ATRNL1: variants seen among roughly 807,000 people sequenced by gnomAD.
The protein encoded by ATRNL1 is attractin-like protein 1.
In ATRNL1, 95 loss-of-function variants were observed where a neutral mutation model predicts 182.7. The ratio of observed to expected loss-of-function variants is 0.52; its 90% CI spans 0.44 to 0.62. The LOEUF (loss-of-function observed/expected upper bound fraction) is 0.62. Ranked by LOEUF, ATRNL1 falls within the 20% of genes least tolerant of loss-of-function variation. The pLI, the probability that ATRNL1 is intolerant of heterozygous loss-of-function variation, is 0.00. For missense variants in ATRNL1, 1,471 were observed against 1,679.5 expected (o/e 0.88, Z 2.17); for synonymous variants, 576 against 568.3 (o/e 1.01, Z -0.19).
chr10:115,728,293 C>T (rs1184865787), intron 27 of ATRNL1, among the ~76,000 whole-genome samples: 20 of 73,052 alleles, frequency 2.7e-4, no homozygotes, highest in African/African-American at 9.8e-4. Flanking sequence ...AGTGGGACTC[C>T]GCCTCAAAAA....
chr10:115,759,841 A>ATTTTTTTTTTTTT (rs58578796), intron 27 of ATRNL1, among the ~76,000 whole-genome samples: 45 of 62,690 alleles, frequency 7.2e-4, no homozygotes, highest in African/African-American at 1.7e-3. Flanking sequence ...ACACCTGGCT[A>ATTTTTTTTTTTTT]TTTTTTTTTT....
intron 27 of ATRNL1, among the ~76,000 whole-genome samples, chr10:115,843,006 A>G (rs899513614): frequency 6.6e-6 from 1 of 152,058 alleles, no homozygotes; most frequent in Admixed American, 6.6e-5. Context: ...GTGTTTTACT[A>G]TCCCTTTAAT....
chr10:115,265,364 C>A, intron 11 of ATRNL1, 87 bp downstream of exon 11: 1 of 800,614 alleles, frequency 1.2e-6, no homozygotes, highest in Non-Finnish European at 2.0e-6. Context: ...TGAAAATTAT[C>A]ATTGGTACTT....
intron 26 of ATRNL1, among the ~76,000 whole-genome samples, chr10:115,670,634 A>G (rs1227732025): frequency 6.6e-6 from 1 of 152,124 alleles, no homozygotes; most frequent in African/African-American, 2.4e-5. Context: ...TGGATGCCAT[A>G]TACATGTTAC....
intron 24 of ATRNL1, among the ~76,000 whole-genome samples, chr10:115,469,608 T>C (rs1848211729): frequency 6.6e-6 from 1 of 150,672 alleles, no homozygotes; most frequent in Non-Finnish European, 1.5e-5. Context: ...ATTAATTATA[T>C]ACTTTAACTG....
intron 27 of ATRNL1, among the ~76,000 whole-genome samples, chr10:115,816,611 CACAG>C (rs1436648535): frequency 1.4e-5 from 1 of 71,108 alleles, no homozygotes; most frequent in South Asian, 4.4e-4. Flanking sequence ...TAAGGACACA[CACAG>C]ACACACACAC....
At chr10:115,297,396 CTT>C (rs1295736110) in intron 15 of ATRNL1, among the ~76,000 whole-genome samples, 7 of 151,992 alleles carry the variant, frequency 4.6e-5, no homozygotes, top group African/African-American at 1.7e-4. Context: ...AATCCCAGCA[CTT>C]TGGGAGGCTG....
chr10:115,635,607 T>G (rs1408321933), intron 26 of ATRNL1, among the ~76,000 whole-genome samples: 4 of 152,172 alleles, frequency 2.6e-5, no homozygotes, highest in Admixed American at 2.6e-4. Context: ...GGATACCCTG[T>G]AACTGAGAAA....
chr10:115,399,768 T>C (rs1302673473), intron 20 of ATRNL1, among the ~76,000 whole-genome samples: 1 of 152,082 alleles, frequency 6.6e-6, no homozygotes, highest in Non-Finnish European at 1.5e-5. Flanking sequence ...TGTTAGGTTG[T>C]TAACTTGAGA....
chr10:115,478,469 C>A (rs1592714663), intron 24 of ATRNL1, among the ~76,000 whole-genome samples: 1 of 151,742 alleles, frequency 6.6e-6, no homozygotes, highest in African/African-American at 2.4e-5. Context: ...CCACATGGCC[C>A]TCTCTACAAC....
chr10:115,592,271 C>T (rs1251023133), intron 26 of ATRNL1, among the ~76,000 whole-genome samples: 1 of 152,074 alleles, frequency 6.6e-6, no homozygotes, highest in African/African-American at 2.4e-5. Flanking sequence ...TAGCATTGTG[C>T]AATATACCCA....
chr10:115,182,888 A>G (rs1326418874), intron 8 of ATRNL1, among the ~76,000 whole-genome samples: 3 of 151,482 alleles, frequency 2.0e-5, no homozygotes, highest in African/African-American at 7.2e-5. Context: ...ATTATTGTCA[A>G]TACACGATAG....
At chr10:115,895,288 T>A (rs1298287917) in intron 28 of ATRNL1, among the ~76,000 whole-genome samples, 1 of 152,220 alleles carries the variant, frequency 6.6e-6, no homozygotes, top group African/African-American at 2.4e-5. Flanking sequence ...AACACTGCAC[T>A]GGTCCACCGG....
chr10:115,527,270 C>T (rs1554986808), intron 25 of ATRNL1, among the ~76,000 whole-genome samples: 1 of 151,976 alleles, frequency 6.6e-6, no homozygotes, highest in Non-Finnish European at 1.5e-5. Context: ...AGGAGCTTGC[C>T]ATCACAGCTG....
At chr10:115,270,674 T>G (rs1441265820) in intron 13 of ATRNL1, among the ~76,000 whole-genome samples, 1 of 151,984 alleles carries the variant, frequency 6.6e-6, no homozygotes, top group Non-Finnish European at 1.5e-5. Flanking sequence ...CTTCCTCTAC[T>G]TTTTTGTTCT....
chr10:115,861,589 C>G (rs1185570400), intron 28 of ATRNL1, among the ~76,000 whole-genome samples: 1 of 152,174 alleles, frequency 6.6e-6, no homozygotes, highest in African/African-American at 2.4e-5. Flanking sequence ...GAGGTTAAAT[C>G]AGTTCCTTAC....
chr10:115,510,755 G>C lies in ATRNL1; in HGVS notation c.3655-8508G>C, dbSNP rs542955939. 2.6e-5 allele frequency among the ~76,000 whole-genome samples: 4 copies of C among 152,118 alleles called. No individual in the cohort carries two copies. In the South Asian group the frequency reaches 8.3e-4, roughly 31 times the overall value. On this transcript the variant is annotated intron_variant, in intron 24 of 28. Coordinates refer to ENST00000355044, the MANE Select transcript of ATRNL1 (RefSeq NM_207303.4). ...GACTGCAGTGTTAATGCTATTAGCA[G>C]AGAAAGAAGCAAGGCTAAGTTTCTA...
chr10:115,372,249 A>G (rs901298319), intron 19 of ATRNL1, among the ~76,000 whole-genome samples: 1 of 152,134 alleles, frequency 6.6e-6, no homozygotes, highest in Non-Finnish European at 1.5e-5. Context: ...AGTTCCTTTT[A>G]TATTTTTTGA....
At chr10:115,191,374 A>G (rs1474640025) in intron 8 of ATRNL1, among the ~76,000 whole-genome samples, 3 of 151,938 alleles carry the variant, frequency 2.0e-5, no homozygotes, top group African/African-American at 4.8e-5. Flanking sequence ...CCTCATCAGC[A>G]TTATTGCCTG....
Sources: allele counts gnomAD v4.1 joint callset (sites outside exome capture counted in the v4.1 genomes callset), GRCh38; gene constraint gnomAD v4.1.1; transcripts MANE v1.5; gene names NCBI Gene and HGNC (gene_info 2026-07-23, HGNC 2026-07-21).